The following PDE11A variants were observed in gnomAD, a reference collection of about 807,000 sequenced individuals.
PDE11A encodes the protein dual 3',5'-cyclic-AMP and -GMP phosphodiesterase 11A.
A neutral mutation model predicts 100.5 loss-of-function variants in PDE11A; 100 were observed. The ratio of observed to expected loss-of-function variants is 1.00; its 90% CI spans 0.85 to 1.18. The LOEUF (loss-of-function observed/expected upper bound fraction) is 1.18, where lower values mean the gene tolerates loss of function less well. Among genes scored for constraint, PDE11A ranks in the 50% most tolerant of loss-of-function variants. The probability of loss-of-function intolerance (pLI) is 0.00; values close to 1 mark genes in which losing one functional copy is unlikely to be tolerated. For missense variants in PDE11A, 1,141 were observed against 1,152.6 expected, an observed-to-expected ratio of 0.99 and a Z score of 0.15; for synonymous variants, 381 against 420.8, an observed-to-expected ratio of 0.91 and a Z score of 1.16.
intron 9 of PDE11A, among the ~76,000 whole-genome samples, chr2:177,790,428 T>C (rs2082612665): frequency 6.6e-6 from 1 of 151,534 alleles, no homozygotes; most frequent in African/African-American, 2.4e-5. Flanking sequence ...CCTAAAACCA[T>C]AAAAACCCTA....
chr2:177,684,615 AG>A (rs778939805), intron 15 of PDE11A, among the ~76,000 whole-genome samples: 58 of 152,316 alleles, frequency 3.8e-4, no homozygotes, highest in Admixed American at 1.3e-4. Context: ...GACCTTGAGT[AG>A]GTTACTTAAC....
At chr2:177,912,666 A>AT (rs964588705) in intron 2 of PDE11A, among the ~76,000 whole-genome samples, 40 of 151,450 alleles carry the variant, frequency 2.6e-4, no homozygotes, top group Non-Finnish European at 4.0e-4. Context: ...TTCTAAAATA[A>AT]TTTTTTTTTC....
chr2:177,695,410 C>T (rs977804211), intron 15 of PDE11A, among the ~76,000 whole-genome samples: 14 of 152,076 alleles, frequency 9.2e-5, no homozygotes, highest in Admixed American at 9.2e-4. Context: ...TTTCATGGGA[C>T]ATCTAACTAT....
chr2:177,669,653 T>C, intron 17 of PDE11A, 86 bp from the exon 18 acceptor site: 1 of 769,124 alleles, frequency 1.3e-6, no homozygotes. Flanking sequence ...TATTTGGTGA[T>C]CCTCATCAAC....
At chr2:177,699,823 C>G (rs1336142394) in intron 14 of PDE11A, among the ~76,000 whole-genome samples, 1 of 152,206 alleles carries the variant, frequency 6.6e-6, no homozygotes, top group East Asian at 1.9e-4. Context: ...AGTCTCTGTT[C>G]TTCATAGGGA....
intron 1 of PDE11A, among the ~76,000 whole-genome samples, chr2:178,055,075 T>A (rs1225730851): frequency 6.6e-6 from 1 of 152,012 alleles, no homozygotes; most frequent in Non-Finnish European, 1.5e-5. Flanking sequence ...CTATTCACAA[T>A]AGCAAAGACT....
At chr2:178,084,766 C>G (rs975059080) in intron 2 of PDE11A, among the ~76,000 whole-genome samples, 3 of 140,646 alleles carry the variant, frequency 2.1e-5, no homozygotes, top group African/African-American at 5.3e-5. Context: ...TTTTTTTTTG[C>G]AATTATTTAC....
At chr2:177,665,705 A>G (rs1423829756) in intron 18 of PDE11A, among the ~76,000 whole-genome samples, 1 of 148,840 alleles carries the variant, frequency 6.7e-6, no homozygotes, top group South Asian at 2.2e-4. Context: ...AAAATGCAAA[A>G]AATTAGCTGG....
At chr2:177,668,884 T>C (rs2080630753) in intron 18 of PDE11A, among the ~76,000 whole-genome samples, 1 of 152,182 alleles carries the variant, frequency 6.6e-6, no homozygotes, top group African/African-American at 2.4e-5. Flanking sequence ...GCTGCCCCTC[T>C]TGAGGTGGTG....
At chr2:177,705,430 A>G (rs1425246424) in intron 13 of PDE11A, among the ~76,000 whole-genome samples, 1 of 152,180 alleles carries the variant, frequency 6.6e-6, no homozygotes, top group Non-Finnish European at 1.5e-5. Context: ...AAGTACAAAT[A>G]CCTTTATACA....
intron 19 of PDE11A, among the ~76,000 whole-genome samples, chr2:177,651,857 C>T (rs2080313949): frequency 6.6e-6 from 1 of 152,066 alleles, no homozygotes. Flanking sequence ...TGCTGAAACT[C>T]CCCTAATTCA....
At chr2:177,862,608 T>C (rs575451686) in intron 5 of PDE11A, among the ~76,000 whole-genome samples, 6 of 151,930 alleles carry the variant, frequency 3.9e-5, no homozygotes, top group South Asian at 4.1e-4. Flanking sequence ...AAAATGATAC[T>C]GAGAAATAAC....
At chr2:177,772,682 G>C (rs1296907002) in intron 9 of PDE11A, among the ~76,000 whole-genome samples, 1 of 146,180 alleles carries the variant, frequency 6.8e-6, no homozygotes, top group Non-Finnish European at 1.5e-5. Flanking sequence ...AGTTAGGTTT[G>C]TTTAAATCAA....
chr2:178,096,651 G>A (rs534397809), intron 2 of PDE11A, among the ~76,000 whole-genome samples: 19 of 152,304 alleles, frequency 1.2e-4, no homozygotes, highest in Admixed American at 2.0e-4. Context: ...CAGTCTCTTT[G>A]CTAACGCATA....
intron 19 of PDE11A, among the ~76,000 whole-genome samples, chr2:177,642,383 A>C (rs1166039119): frequency 6.6e-6 from 1 of 152,234 alleles, no homozygotes; most frequent in East Asian, 1.9e-4. Flanking sequence ...ATAAGAAAAG[A>C]CTTAGGCAGA....
At chr2:177,912,441 T>C (rs1368360338) in intron 2 of PDE11A, among the ~76,000 whole-genome samples, 1 of 152,156 alleles carries the variant, frequency 6.6e-6, no homozygotes, top group East Asian at 1.9e-4. Context: ...TCTATTCTCT[T>C]TGACTTTTTA....
chr2:178,098,739 T>C (rs1369785924), intron 2 of PDE11A, among the ~76,000 whole-genome samples: 1 of 152,170 alleles, frequency 6.6e-6, no homozygotes, highest in East Asian at 1.9e-4. Context: ...AATATTTCTT[T>C]TGAACTATTT....
intron 9 of PDE11A, among the ~76,000 whole-genome samples, chr2:177,791,312 T>C (rs980696595): frequency 1.8e-4 from 26 of 145,306 alleles, no homozygotes; most frequent in African/African-American, 5.9e-4. Context: ...CTGCATGTTC[T>C]CACTCATAGG....
intron 9 of PDE11A, among the ~76,000 whole-genome samples, chr2:177,786,048 A>G (rs1279607918): frequency 6.6e-6 from 1 of 152,172 alleles, no homozygotes; most frequent in East Asian, 1.9e-4. Flanking sequence ...TTCTCCCAGC[A>G]CGCAGCTGGA....
Sources: gnomAD v4.1 joint callset for allele counts (sites outside exome capture counted in the v4.1 genomes callset) on GRCh38, gnomAD v4.1.1 for gene constraint, MANE v1.5 for transcripts, NCBI Gene and HGNC (gene_info 2026-07-23, HGNC 2026-07-21) for gene names.